EYA4: variants seen among roughly 807,000 people sequenced by gnomAD.
EYA4 encodes the protein protein phosphatase EYA4.
In EYA4, 31 loss-of-function variants were observed where a neutral mutation model predicts 87.9. The ratio of observed to expected loss-of-function variants is 0.35; its 90% CI spans 0.27 to 0.48. The LOEUF (loss-of-function observed/expected upper bound fraction) is 0.48, where lower values mean the gene tolerates loss of function less well. EYA4 is among the 20% of genes least tolerant of loss of function. The pLI is 0.99. For synonymous variants in EYA4, 263 were observed against 270.6 expected (o/e 0.97, Z 0.28); for missense variants, 678 against 761.4 (o/e 0.89, Z 1.29).
At chr6:133,404,279 C>A (rs994649285) in intron 3 of EYA4, among the ~76,000 whole-genome samples, 1 of 152,160 alleles carries the variant, frequency 6.6e-6, no homozygotes, top group African/African-American at 2.4e-5. Context: ...GGATGTTACT[C>A]AGTGATGAGG....
intron 17 of EYA4, among the ~76,000 whole-genome samples, chr6:133,519,274 A>G (rs1320225837): frequency 2.6e-5 from 4 of 151,442 alleles, no homozygotes; most frequent in Non-Finnish European, 5.9e-5. Flanking sequence ...AAAAAAAGAG[A>G]GAAGAATCAA....
chr6:133,447,481 T>C (rs1437998742), intron 4 of EYA4, among the ~76,000 whole-genome samples: 1 of 152,204 alleles, frequency 6.6e-6, no homozygotes, highest in African/African-American at 2.4e-5. Flanking sequence ...GACTGTATTT[T>C]AAATTATTCA....
rs143044578 is a variant in EYA4, at chr6:133,346,325, A to G, written c.34-36067A>G. ...TTTTTCCCCAAGGGATAATTACATA[A>G]TCTTTCTTGACGTGGACTTAGAATG... On this transcript the variant is annotated intron_variant, in intron 2 of 19. Transcript: ENST00000355286. Among the ~76,000 whole-genome samples the G allele has an allele frequency of 2.6e-5, 4 of 152,294 alleles. No individual in the cohort carries two copies. The East Asian group carries it at 7.7e-4, about 29-fold the overall frequency.
chr6:133,416,625 T>C (rs747332839), intron 3 of EYA4, among the ~76,000 whole-genome samples: 11 of 152,216 alleles, frequency 7.2e-5, no homozygotes, highest in Non-Finnish European at 1.5e-4. Flanking sequence ...TACGTATATA[T>C]TATATTACAT....
In EYA4 at chr6:133,530,611, T is replaced by G; in HGVS notation, c.*1806T>G. The G allele has an allele frequency of 3.0e-6, 3 of 985,830 alleles. No homozygotes were observed. Among genetic ancestry groups the G allele is most frequent in the Non-Finnish European group, 3.6e-6 (3 of 829,892 alleles). The allele number at this position is 985,830 out of a possible 1,614,324, so 61.1% of individuals were successfully genotyped here. A position where few individuals can be genotyped will look rare whatever the true frequency, so the allele number is the denominator to read the frequency against. The stretch of plus-strand genomic sequence containing the variant: ...TACATTTTGCTCACAGATCACAACA[T>G]TCACTGTGGAAATATGATTTCATTT... On this transcript the variant is annotated 3_prime_UTR_variant, in exon 20 of 20. Coordinates refer to ENST00000355286, the MANE Select transcript of EYA4 (RefSeq NM_004100.5).
rs370082692 is a variant in EYA4 at position 133,432,777 on chromosome 6, G to A, written c.84-13853G>A. On this transcript the variant is annotated intron_variant, in intron 3 of 19. Transcript: ENST00000355286. ...ATCACATTTCACATTCTGATCCCTC[G>A]TGGCAGGTGCTAACTTCCTTGCTCT... Among the ~76,000 whole-genome samples, 6 of 151,836 alleles carry A rather than the reference G, an allele frequency of 4.0e-5. No homozygotes were observed. The South Asian group carries it at 8.3e-4, about 21-fold the overall frequency.
Position 133,256,520 on chromosome 6 carries a change from G to T in EYA4, c.-66+14771G>T, listed in dbSNP as rs541095329. Among the ~76,000 whole-genome samples, 13 of 152,072 alleles carry T rather than the reference G, an allele frequency of 8.5e-5. No homozygotes were observed. The South Asian group carries it at 2.7e-3, about 32-fold the overall frequency. Reference sequence around the variant, plus strand: ...TATTACGATAGCTTTTTAACATAGAGATGAAAGGTATAGACATTGTATAAG... The same window carrying T: ...TATTACGATAGCTTTTTAACATAGATATGAAAGGTATAGACATTGTATAAG... On this transcript the variant is annotated intron_variant, in intron 1 of 19. Coordinates refer to ENST00000355286, the MANE Select transcript of EYA4 (RefSeq NM_004100.5).
chr6:133,340,729 T>C (rs1030496409), intron 2 of EYA4, among the ~76,000 whole-genome samples: 3 of 152,112 alleles, frequency 2.0e-5, no homozygotes, highest in African/African-American at 7.2e-5. Flanking sequence ...GTTTTTGATA[T>C]CAAGCCCTGT....
At chr6:133,333,084 ATG>A (rs1782104503) in intron 2 of EYA4, among the ~76,000 whole-genome samples, 1 of 152,168 alleles carries the variant, frequency 6.6e-6, no homozygotes, top group East Asian at 1.9e-4. Flanking sequence ...TAGACCTACC[ATG>A]TGCCAAGGCT....
intron 2 of EYA4, among the ~76,000 whole-genome samples, chr6:133,322,776 G>A (rs1013396683): frequency 6.6e-6 from 1 of 152,106 alleles, no homozygotes; most frequent in East Asian, 1.9e-4. Flanking sequence ...AATTTATAGT[G>A]TTTATGTCTT....
At chr6:133,412,849 C>T (rs11963948) in intron 3 of EYA4, among the ~76,000 whole-genome samples, 8,349 of 152,164 alleles carry the variant, frequency 0.055, 688 homozygotes, top group African/African-American at 0.17. Context: ...TCCTCTTCAT[C>T]GGACTTCCTT....
At chr6:133,397,571 TTTA>T (rs1453552603) in intron 3 of EYA4, among the ~76,000 whole-genome samples, 1 of 152,228 alleles carries the variant, frequency 6.6e-6, no homozygotes, top group East Asian at 1.9e-4. Flanking sequence ...TGCTTCTTGA[TTTA>T]TTGTTTATCA....
At chr6:133,333,992 A>T (rs958751246) in intron 2 of EYA4, among the ~76,000 whole-genome samples, 1 of 152,112 alleles carries the variant, frequency 6.6e-6, no homozygotes, top group Non-Finnish European at 1.5e-5. Flanking sequence ...AATTCCACTG[A>T]TTGGTAAAAT....
chr6:133,500,590 A>G (rs143879931), intron 13 of EYA4, among the ~76,000 whole-genome samples: 2 of 152,114 alleles, frequency 1.3e-5, no homozygotes, highest in Admixed American at 6.6e-5. Context: ...ACTAGGGGGA[A>G]AAAAGCAAAC....
intron 2 of EYA4, among the ~76,000 whole-genome samples, chr6:133,314,697 C>A (rs1200030304): frequency 6.6e-6 from 1 of 152,150 alleles, no homozygotes; most frequent in Non-Finnish European, 1.5e-5. Context: ...AGAAATGTTA[C>A]AACCATAAAA....
At chr6:133,465,614 T>G (rs1370986361) in intron 10 of EYA4, among the ~76,000 whole-genome samples, 1 of 152,188 alleles carries the variant, frequency 6.6e-6, no homozygotes, top group Admixed American at 6.6e-5. Context: ...TCTTTTGTCC[T>G]TATTTTTTGA....
intron 2 of EYA4, among the ~76,000 whole-genome samples, chr6:133,295,005 T>C (rs1778846012): frequency 6.6e-6 from 1 of 152,254 alleles, no homozygotes; most frequent in African/African-American, 2.4e-5. Flanking sequence ...GCTAAATTGC[T>C]AGACTCTGAA....
intron 1 of EYA4, among the ~76,000 whole-genome samples, chr6:133,254,138 G>A (rs551200285): frequency 5.3e-5 from 8 of 152,206 alleles, no homozygotes; most frequent in East Asian, 1.9e-4. Context: ...TATGTCCGGC[G>A]TACATTGGTA....
intron 11 of EYA4, among the ~76,000 whole-genome samples, chr6:133,470,161 T>C (rs1219714174): frequency 1.4e-5 from 2 of 147,396 alleles, no homozygotes; most frequent in Non-Finnish European, 3.0e-5. Flanking sequence ...ATGAAGTCCT[T>C]GCCCACGCCT....
Sources: gnomAD v4.1 joint callset for allele counts (sites outside exome capture counted in the v4.1 genomes callset) on GRCh38, gnomAD v4.1.1 for gene constraint, MANE v1.5 for transcripts, NCBI Gene and HGNC (gene_info 2026-07-23, HGNC 2026-07-21) for gene names.